Variants in PICALM observed in about 807,000 individuals in gnomAD.
The protein encoded by PICALM is phosphatidylinositol-binding clathrin assembly protein.
PICALM carries 40 observed loss-of-function variants against 80.5 expected under a neutral mutation model. The ratio of observed to expected loss-of-function variants is 0.50; its 90% confidence interval spans 0.39 to 0.65. PICALM has a LOEUF of 0.65. PICALM is among the 30% of genes least tolerant of loss of function. The pLI, the probability that PICALM is intolerant of heterozygous loss-of-function variation, is 0.00. For synonymous variants in PICALM, 288 were observed against 260.3 expected (o/e 1.11, Z -1.02); for missense variants, 676 against 778.9 (o/e 0.87, Z 1.57).
intron 1 of PICALM, among the ~76,000 whole-genome samples, chr11:86,060,619 C>T (rs921146590): frequency 1.3e-5 from 2 of 151,878 alleles, no homozygotes; most frequent in Non-Finnish European, 2.9e-5. Context: ...CTTGAGGACC[C>T]CCAAAAGTCC....
chr11:86,019,270 ATTTT>A (rs60566146), intron 4 of PICALM, among the ~76,000 whole-genome samples: 1 of 151,888 alleles, frequency 6.6e-6, no homozygotes, highest in Non-Finnish European at 1.5e-5. Flanking sequence ...GATATTCTTG[ATTTT>A]TTTCTTTTGT....
intron 1 of PICALM, among the ~76,000 whole-genome samples, chr11:86,044,897 C>T (rs1330926887): frequency 6.6e-6 from 1 of 152,220 alleles, no homozygotes; most frequent in Non-Finnish European, 1.5e-5. Context: ...CCTCCACACA[C>T]CCCCTGCCAG....
chr11:85,985,733 C>A (rs1158827980), intron 13 of PICALM, among the ~76,000 whole-genome samples: 1 of 152,154 alleles, frequency 6.6e-6, no homozygotes, highest in African/African-American at 2.4e-5. Flanking sequence ...AATTATGTGT[C>A]CATGCTATCA....
At position 86,068,857 on chromosome 11, in the gene PICALM, C is replaced by T; in HGVS notation, c.-77G>A. ...ACCCCCAAGAGCCGGAGGGTCCCCACCCCCCACCGCACCCCCTACCCCCAC... is the reference window on the plus strand; with the variant it reads ...ACCCCCAAGAGCCGGAGGGTCCCCATCCCCCACCGCACCCCCTACCCCCAC... On this transcript the variant is annotated 5_prime_UTR_variant, in exon 1 of 20. It adds an upstream start codon to the 5' untranslated region. Coordinates refer to ENST00000393346, the MANE Select transcript of PICALM (RefSeq NM_007166.4). The T allele has an allele frequency of 6.8e-7, 1 of 1,476,650 alleles. No homozygotes were observed. Among genetic ancestry groups the T allele is most frequent in the Non-Finnish European group, 9.0e-7 (1 of 1,114,548 alleles). 91.5% of individuals were successfully genotyped at this position (1,476,650 alleles called of 1,614,324 possible). A position where few individuals can be genotyped will look rare whatever the true frequency, so the allele number is the denominator to read the frequency against.
At chr11:86,029,303 AC>A (rs1049946736) in intron 2 of PICALM, among the ~76,000 whole-genome samples, 1 of 152,182 alleles carries the variant, frequency 6.6e-6, no homozygotes, top group African/African-American at 2.4e-5. Flanking sequence ...TATTCCAATC[AC>A]CACAGTATAG....
intron 19 of PICALM, among the ~76,000 whole-genome samples, chr11:85,970,013 G>A (rs1412523488): frequency 2.0e-5 from 3 of 152,198 alleles, no homozygotes; most frequent in African/African-American, 7.2e-5. Context: ...GAGGGGCAGA[G>A]TAAGTTATAT....
intron 19 of PICALM, among the ~76,000 whole-genome samples, chr11:85,973,130 T>C (rs944651324): frequency 1.3e-5 from 2 of 152,192 alleles, no homozygotes; most frequent in Admixed American, 6.5e-5. Context: ...CATTTTAACA[T>C]GGACAAAGGG....
intron 1 of PICALM, among the ~76,000 whole-genome samples, chr11:86,050,656 A>G (rs1315318775): frequency 6.6e-6 from 1 of 152,182 alleles, no homozygotes. Context: ...ATTATCCATC[A>G]ATTCATCACT....
intron 1 of PICALM, among the ~76,000 whole-genome samples, chr11:86,051,047 C>A (rs1390097101): frequency 6.6e-6 from 1 of 152,082 alleles, no homozygotes; most frequent in African/African-American, 2.4e-5. Context: ...AAGACAATGC[C>A]ACCTATTCCT....
intron 1 of PICALM, among the ~76,000 whole-genome samples, chr11:86,064,651 T>TTA (rs374411862): frequency 3.1e-5 from 4 of 127,148 alleles, no homozygotes; most frequent in African/African-American, 1.2e-4. Flanking sequence ...CACCTCATTT[T>TTA]AAAAAAAAAA....
chr11:86,008,938 A>G (rs1181156515), intron 7 of PICALM, among the ~76,000 whole-genome samples: 2 of 87,164 alleles, frequency 2.3e-5, no homozygotes, highest in African/African-American at 8.8e-5. Flanking sequence ...CAGAAAAAGG[A>G]AAAAAAAAAA....
intron 11 of PICALM, among the ~76,000 whole-genome samples, chr11:85,998,186 A>G (rs2095037097): frequency 6.6e-6 from 1 of 152,058 alleles, no homozygotes; most frequent in Admixed American, 6.5e-5. Context: ...ATCCTGGCTC[A>G]CTGCAAGCTC....
chr11:86,023,105 A>T (rs1234192756), intron 3 of PICALM, among the ~76,000 whole-genome samples: 1 of 152,172 alleles, frequency 6.6e-6, no homozygotes, highest in Non-Finnish European at 1.5e-5. Flanking sequence ...AATCTAATCA[A>T]TATTATTTTC....
intron 11 of PICALM, among the ~76,000 whole-genome samples, chr11:85,998,977 G>A (rs2095061242): frequency 6.6e-6 from 1 of 152,072 alleles, no homozygotes; most frequent in Non-Finnish European, 1.5e-5. Flanking sequence ...TTTTTAAATG[G>A]ATATACAATA....
At chr11:86,065,726 TC>T (rs2096438377) in intron 1 of PICALM, among the ~76,000 whole-genome samples, 2 of 152,192 alleles carry the variant, frequency 1.3e-5, no homozygotes, top group African/African-American at 4.8e-5. Flanking sequence ...GACAACTCTT[TC>T]ACACTAGGGA....
At chr11:85,991,957 G>C (rs2094794206) in intron 12 of PICALM, among the ~76,000 whole-genome samples, 1 of 152,246 alleles carries the variant, frequency 6.6e-6, no homozygotes, top group South Asian at 2.1e-4. Flanking sequence ...CTGGGCTCAA[G>C]TGATGCTCCC....
chr11:85,959,252 G>T (rs867132783), intron 19 of PICALM, among the ~76,000 whole-genome samples, 192 bp from the exon 20 acceptor site: 5 of 152,100 alleles, frequency 3.3e-5, no homozygotes, highest in Non-Finnish European at 7.4e-5. Context: ...GACACATATA[G>T]GGACTTCCAA....
intron 1 of PICALM, among the ~76,000 whole-genome samples, chr11:86,048,539 TA>T (rs1327141406): frequency 6.6e-6 from 1 of 151,928 alleles, no homozygotes; most frequent in Admixed American, 6.6e-5. Flanking sequence ...CTAATGTTAA[TA>T]AAAGAAAAAT....
At chr11:86,023,512 C>T in intron 3 of PICALM, 2 of 984,706 alleles carry the variant, frequency 2.0e-6, no homozygotes, top group South Asian at 4.7e-5. Context: ...ACGGTAAACA[C>T]CTCTCATCCT....
Sources: allele counts gnomAD v4.1 joint callset (sites outside exome capture counted in the v4.1 genomes callset), GRCh38; gene constraint gnomAD v4.1.1; transcripts MANE v1.5; gene names NCBI Gene and HGNC (gene_info 2026-07-23, HGNC 2026-07-21).